The following HBS1L variants were observed in gnomAD, a reference collection of about 807,000 sequenced individuals.
HBS1L encodes HBS1 like translational GTPase.
A neutral mutation model predicts 88.9 loss-of-function variants in HBS1L; 55 were observed. The observed-to-expected ratio is 0.62, with a 90% CI of 0.50 to 0.77. The LOEUF is 0.77. HBS1L is among the 30% of genes least tolerant of loss of function. HBS1L has a pLI of 0.00. For missense variants in HBS1L, 741 were observed against 829.3 expected, an observed-to-expected ratio of 0.89 and a Z score of 1.31; for synonymous variants, 267 against 288.5, an observed-to-expected ratio of 0.93 and a Z score of 0.76.
intron 8 of HBS1L, among the ~76,000 whole-genome samples, chr6:134,988,386 G>C (rs1775038571): frequency 6.6e-6 from 1 of 150,612 alleles, no homozygotes; most frequent in African/African-American, 2.4e-5. Flanking sequence ...AGTAGACAGG[G>C]AGGGACAAAC....
chr6:135,011,867 T>C (rs375918287), intron 4 of HBS1L, among the ~76,000 whole-genome samples: 5 of 145,228 alleles, frequency 3.4e-5, no homozygotes, highest in Non-Finnish European at 7.4e-5. Context: ...GATTGTGCCA[T>C]TGCACTCCAG....
intron 4 of HBS1L, among the ~76,000 whole-genome samples, chr6:135,013,139 A>C (rs979825285): frequency 7.9e-5 from 12 of 152,220 alleles, no homozygotes; most frequent in African/African-American, 2.9e-4. Context: ...GAATCACTCA[A>C]CTTTTCTCTA....
At chr6:135,008,964 T>C (rs1432182169) in intron 4 of HBS1L, among the ~76,000 whole-genome samples, 3 of 152,110 alleles carry the variant, frequency 2.0e-5, no homozygotes, top group Non-Finnish European at 4.4e-5. Flanking sequence ...TTATAAGTTA[T>C]CTTAGATGGC....
intron 13 of HBS1L, 68 bp from the exon 14 acceptor site, chr6:134,979,336 G>A: frequency 8.5e-7 from 1 of 1,177,586 alleles, no homozygotes; most frequent in South Asian, 1.3e-5. Context: ...AACCAACAGA[G>A]TTTGGCTGAT....
intron 2 of HBS1L, among the ~76,000 whole-genome samples, 191 bp downstream of exon 2, chr6:135,050,391 T>C (rs1164976867): frequency 6.6e-6 from 1 of 152,192 alleles, no homozygotes; most frequent in Admixed American, 6.5e-5. Flanking sequence ...TAAAACTAAA[T>C]AATAGAATCA....
At chr6:134,992,372 T>C (rs901879800) in intron 8 of HBS1L, among the ~76,000 whole-genome samples, 1 of 152,198 alleles carries the variant, frequency 6.6e-6, no homozygotes, top group Non-Finnish European at 1.5e-5. Context: ...GTCGCCATAA[T>C]GTCATAGCAC....
intron 7 of HBS1L, among the ~76,000 whole-genome samples, chr6:134,995,523 T>TAGGA (rs1775265270): frequency 6.6e-6 from 1 of 151,994 alleles, no homozygotes; most frequent in Non-Finnish European, 1.5e-5. Context: ...CTGACCATTA[T>TAGGA]AGGAATCAAA....
chr6:135,036,553 T>C, intron 4 of HBS1L: 3 of 1,455,816 alleles, frequency 2.1e-6, no homozygotes, highest in Non-Finnish European at 2.7e-6. Context: ...GTTTTCCTTT[T>C]GTTACTATTC....
chr6:135,002,656 C>A, intron 5 of HBS1L, 78 bp downstream of exon 5: 1 of 759,780 alleles, frequency 1.3e-6, no homozygotes, highest in South Asian at 1.4e-5. Flanking sequence ...TTGAAACAGT[C>A]TCTTTCTTAC....
At chr6:135,037,905 G>A (rs761551447) in intron 4 of HBS1L, 15 of 1,550,790 alleles carry the variant, frequency 9.7e-6, no homozygotes, top group South Asian at 6.0e-5. Context: ...GAGATAATCC[G>A]TATTTTCCTA....
chr6:135,034,627 G>C (rs1776480889), intron 4 of HBS1L, among the ~76,000 whole-genome samples: 1 of 152,234 alleles, frequency 6.6e-6, no homozygotes, highest in Non-Finnish European at 1.5e-5. Flanking sequence ...CTGGGGAACA[G>C]AGTGAGACTC....
chr6:135,014,755 G>T lies in HBS1L; in HGVS notation c.431-11913C>A, dbSNP rs553272241. Among the ~76,000 whole-genome samples the T allele has an allele frequency of 4.6e-4, 68 of 147,558 alleles. 1 individual carries two copies. The highest frequency in any genetic ancestry group is 1.6e-3 in the African/African-American group (63 of 39,834). Reference sequence around the variant, plus strand: ...ATAGAGGCCGGCTACAGTGGCTCATGCCTGTAATCCCATCACCTTGGGAGA... The same window carrying T: ...ATAGAGGCCGGCTACAGTGGCTCATTCCTGTAATCCCATCACCTTGGGAGA... On this transcript the variant is annotated intron_variant, in intron 4 of 17. Coordinates refer to ENST00000367837, the MANE Select transcript of HBS1L (RefSeq NM_006620.4).
intron 16 of HBS1L, among the ~76,000 whole-genome samples, chr6:134,966,922 A>C (rs1774332478): frequency 6.6e-6 from 1 of 152,188 alleles, no homozygotes; most frequent in African/African-American, 2.4e-5. Flanking sequence ...AATTTATGGA[A>C]TGTGTATTAG....
intron 5 of HBS1L, among the ~76,000 whole-genome samples, chr6:135,000,040 CTTT>C (rs1192508703): frequency 6.6e-6 from 1 of 151,246 alleles, no homozygotes; most frequent in Non-Finnish European, 1.5e-5. Context: ...ATTTTGTAAG[CTTT>C]TTTTCTTTCT....
chr6:135,046,457 TCAAA>T (rs1776915467), intron 2 of HBS1L, among the ~76,000 whole-genome samples: 2 of 152,196 alleles, frequency 1.3e-5, no homozygotes, highest in African/African-American at 4.8e-5. Flanking sequence ...ACATCACCAT[TCAAA>T]TAAAGTTTTA....
rs1472464455 is a variant in HBS1L, at chr6:135,035,708, G to A, written c.430+3865C>T. The stretch of plus-strand genomic sequence containing the variant: ...GGAGCTTGCAGTGAGCAGAGATCGC[G>A]CCACTGCACTCCAGCCTAGGCAACA... On this transcript the variant is annotated intron_variant, in intron 4 of 17. Transcript: ENST00000367837. 10 of 143,458 alleles carry A rather than the reference G, an allele frequency of 7.0e-5. No individual in the cohort carries two copies. In the South Asian group the frequency reaches 9.3e-4, roughly 13 times the overall value. The allele number at this position is 143,458 out of a possible 1,614,324, so 8.9% of individuals were successfully genotyped here. A position where few individuals can be genotyped will look rare whatever the true frequency, so the allele number is the denominator to read the frequency against.
chr6:135,015,752 T>C (rs1416219143), intron 4 of HBS1L, among the ~76,000 whole-genome samples: 1 of 151,794 alleles, frequency 6.6e-6, no homozygotes, highest in Non-Finnish European at 1.5e-5. Context: ...CAGCTAATTG[T>C]TTTGTATTTT....
chr6:135,026,199 GA>G (rs1562304115), intron 4 of HBS1L, among the ~76,000 whole-genome samples: 1 of 152,092 alleles, frequency 6.6e-6, no homozygotes, highest in Non-Finnish European at 1.5e-5. Context: ...TCAGTTAACA[GA>G]AGTTTAAATA....
intron 4 of HBS1L, chr6:135,035,893 A>G (rs929350974): frequency 1.5e-6 from 1 of 672,836 alleles, no homozygotes. Flanking sequence ...TTTAAAGTGT[A>G]TACTTAGGAC....
Sources: gnomAD v4.1 joint callset for allele counts (sites outside exome capture counted in the v4.1 genomes callset) on GRCh38, gnomAD v4.1.1 for gene constraint, MANE v1.5 for transcripts, NCBI Gene and HGNC (gene_info 2026-07-23, HGNC 2026-07-21) for gene names.